The following ZNF675 variants were observed in gnomAD, a reference collection of about 807,000 sequenced individuals.
ZNF675 encodes zinc finger protein 675.
A neutral mutation model predicts 56.1 loss-of-function variants in ZNF675; 36 were observed. The observed-to-expected ratio is 0.64, with a 90% confidence interval of 0.49 to 0.85. The LOEUF (loss-of-function observed/expected upper bound fraction) is 0.85. Among genes scored for constraint, ZNF675 ranks in the 40% least tolerant of loss-of-function variants. The pLI is 0.00. For synonymous variants in ZNF675, 200 were observed against 218.9 expected, an observed-to-expected ratio of 0.91 and a Z score of 0.76; for missense variants, 663 against 654.2, an observed-to-expected ratio of 1.01 and a Z score of -0.15.
At chr19:23,671,387 TG>T (rs1968224783) in intron 1 of ZNF675, among the ~76,000 whole-genome samples, 1 of 152,174 alleles carries the variant, frequency 6.6e-6, no homozygotes, top group Non-Finnish European at 1.5e-5. Flanking sequence ...GGTGATGTCC[TG>T]AATGCCCGAA....
intron 1 of ZNF675, among the ~76,000 whole-genome samples, chr19:23,677,835 G>C (rs1968319291): frequency 1.3e-5 from 2 of 150,096 alleles, no homozygotes; most frequent in South Asian, 4.2e-4. Context: ...AGAAGTCAGA[G>C]ATGGCCGGCT....
chr19:23,653,415 T>C lies in ZNF675; in HGVS notation c.1518A>G (p.Lys506=). 2 of 1,613,084 alleles carry C rather than the reference T, an allele frequency of 1.2e-6. No individual in the cohort carries two copies. The highest frequency in any genetic ancestry group is 1.7e-6 in the Non-Finnish European group (2 of 1,179,722). The change falls in exon 4 of 4, where the codon AAA becomes AAG. Residue 506 remains lysine, a synonymous_variant. Coordinates refer to ENST00000359788, the MANE Select transcript of ZNF675 (RefSeq NM_138330.3). ...TTHKRIHTGE[K]PYKCEECGKA... is the part of the protein sequence containing the mutation. Reference sequence around the variant, plus strand: ...TGCCACATTCTTCACATTTGTAGGGTTTCTCCCCAGTATGAATTCTTTTAT... The same window carrying C: ...TGCCACATTCTTCACATTTGTAGGGCTTCTCCCCAGTATGAATTCTTTTAT...
Position 23,653,799 on chromosome 19 carries a change from G to C in ZNF675, c.1134C>G (p.Asn378Lys). The change falls in exon 4 of 4, where the codon AAC becomes AAG. Residue 378 changes from asparagine to lysine, a missense_variant. Physicochemically the swap from Asn to Lys is moderately conservative, Grantham distance 94. Coordinates refer to ENST00000359788, the MANE Select transcript of ZNF675 (RefSeq NM_138330.3). ...TATGTTCCGTAAGATTTGAGGATCG[G>C]TTAAAAGCTTTGCCGCATTCCTCAC... is the stretch of plus-strand genomic sequence containing the variant. ...YKCEECGKAF[N>K]RSSNLTEHRK... 6.2e-7 allele frequency: 1 copy of C among 1,613,704 alleles called. No homozygotes were observed. Among genetic ancestry groups the C allele is most frequent in the Non-Finnish European group, 8.5e-7 (1 of 1,179,880 alleles).
chr19:23,672,524 G>A (rs1374764933), intron 1 of ZNF675, among the ~76,000 whole-genome samples: 1 of 152,136 alleles, frequency 6.6e-6, no homozygotes, highest in Non-Finnish European at 1.5e-5. Flanking sequence ...TCCCCCGTAT[G>A]TTTTCTGTAC....
At position 23,663,050 on chromosome 19, in the gene ZNF675, T is replaced by C. The variant is rs768258228; in HGVS notation, c.112A>G (p.Arg38Gly). ...LYKNVILENY[R>G]NLVFLGIAVS... ...TCCTTACCCAGGAAGACCAGGTTTCTGTAGTTCTCTAAAATCACATTTTTA... is the reference window on the plus strand; with the variant it reads ...TCCTTACCCAGGAAGACCAGGTTTCCGTAGTTCTCTAAAATCACATTTTTA... Residue 38 changes from arginine to glycine, a missense_variant, in exon 2 of 4, where the codon AGA becomes GGA. Transcript: ENST00000359788. 1.1e-5 allele frequency: 17 copies of C among 1,601,924 alleles called. No individual in the cohort carries two copies. The South Asian group carries it at 1.8e-4, about 17-fold the overall frequency.
chr19:23,679,161 C>T (rs1427607710), intron 1 of ZNF675, among the ~76,000 whole-genome samples: 2 of 64,960 alleles, frequency 3.1e-5, no homozygotes, highest in Admixed American at 2.2e-4. Flanking sequence ...AGCGAGACTC[C>T]GTCTCAAAAA....
chr19:23,664,077 T>C (rs1438371381), intron 1 of ZNF675, among the ~76,000 whole-genome samples: 1 of 152,148 alleles, frequency 6.6e-6, no homozygotes, highest in Non-Finnish European at 1.5e-5. Flanking sequence ...TTTTTATAAG[T>C]AGTTAAAACA....
intron 1 of ZNF675, among the ~76,000 whole-genome samples, chr19:23,680,889 T>C (rs1452558183): frequency 6.6e-6 from 1 of 151,898 alleles, no homozygotes; most frequent in East Asian, 1.9e-4. Context: ...AAAAAATACT[T>C]GTTTGGTGCC....
chr19:23,678,943 G>A (rs1481488188), intron 1 of ZNF675, among the ~76,000 whole-genome samples: 1 of 151,396 alleles, frequency 6.6e-6, no homozygotes, highest in East Asian at 1.9e-4. Flanking sequence ...GAGGCGGGTG[G>A]ATCACGAAGT....
Position 23,654,695 on chromosome 19 carries a change from G to A in ZNF675, c.238C>T (p.His80Tyr). ...TCTGGCCAAAACTCTTGGGCAAAAT[G>A]AGAACACATTACTGAAAGAAATAAA... ...MVNEPPVMCS[H>Y]FAQEFWPEQN... Residue 80 changes from histidine (H) to tyrosine (Y), a missense_variant, in exon 4 of 4, where the codon CAT (histidine) becomes TAT (tyrosine). By Grantham distance (83) the His-to-Tyr change is moderately conservative (BLOSUM62 2). Transcript: ENST00000359788. 1 of 1,532,500 alleles carries A rather than the reference G, an allele frequency of 6.5e-7. No homozygotes were observed. The highest frequency in any genetic ancestry group is 8.8e-7 in the Non-Finnish European group (1 of 1,141,636). 94.9% of individuals were successfully genotyped at this position (1,532,500 alleles called of 1,614,324 possible).
chr19:23,661,032 C>T (rs1040058599), intron 3 of ZNF675, among the ~76,000 whole-genome samples: 2 of 151,494 alleles, frequency 1.3e-5, no homozygotes, highest in Non-Finnish European at 2.9e-5. Context: ...CGGGTTCAAG[C>T]GATTCTCCTG....
Position 23,663,659 on chromosome 19 carries a change from G to A in ZNF675, c.4-501C>T, listed in dbSNP as rs548961987. On this transcript the variant is annotated intron_variant, in intron 1 of 3. Transcript: ENST00000359788. ...GAGGCTGTGGTGAGTGGAGATTGCA[G>A]TGAGCTGAGATCGTACCATTGCACT... Among the ~76,000 whole-genome samples, 8 of 152,328 alleles carry A rather than the reference G, an allele frequency of 5.3e-5. No homozygotes were observed. The East Asian group carries it at 1.5e-3, about 29-fold the overall frequency.
At chr19:23,655,224 A>C (rs1394773799) in intron 3 of ZNF675, 1 of 151,124 alleles carries the variant, frequency 6.6e-6, no homozygotes, top group Non-Finnish European at 1.5e-5. Context: ...GTGACAAAGC[A>C]AGACTCTGTC....
rs1162167643 is a variant in ZNF675, at chr19:23,654,261, A to T, written c.672T>A (p.Cys224Ter). Residue 224 changes from cysteine to a stop codon, truncating the protein, a stop_gained, in exon 4 of 4, where the codon TGT becomes TGA. Transcript: ENST00000359788. LOFTEE classifies it high-confidence loss of function. ...KLTKHKRIYT[C>*]EKLYKCQECD... The stretch of plus-strand genomic sequence containing the variant: ...ATTCTTGACATTTGTAGAGTTTCTC[A>T]CAAGTATAAATTCTTTTATGTTTAG... 2 of 1,613,258 alleles carry T rather than the reference A, an allele frequency of 1.2e-6. No individual in the cohort carries two copies. Among genetic ancestry groups the T allele is most frequent in the African/African-American group, 2.7e-5 (2 of 74,940 alleles).
At chr19:23,678,751 A>G (rs574804055) in intron 1 of ZNF675, among the ~76,000 whole-genome samples, 11 of 148,882 alleles carry the variant, frequency 7.4e-5, no homozygotes, top group Admixed American at 2.6e-4. Flanking sequence ...GCAACAGAAT[A>G]GAGAGCCAAA....
intron 3 of ZNF675, among the ~76,000 whole-genome samples, chr19:23,659,017 AT>A (rs1330429005): frequency 4.0e-5 from 6 of 149,078 alleles, no homozygotes; most frequent in African/African-American, 1.5e-4. Flanking sequence ...AAAATGTTAA[AT>A]ATATAAAAAT....
At chr19:23,677,293 A>G (rs760613733) in intron 1 of ZNF675, among the ~76,000 whole-genome samples, 2 of 151,640 alleles carry the variant, frequency 1.3e-5, no homozygotes, top group Non-Finnish European at 2.9e-5. Flanking sequence ...CTATAGTCTC[A>G]GCAGAAAAGT....
At chr19:23,685,332 T>C (rs995692844) in intron 1 of ZNF675, among the ~76,000 whole-genome samples, 22 of 152,216 alleles carry the variant, frequency 1.4e-4, no homozygotes, top group African/African-American at 5.1e-4. Context: ...TCTGTTTCCA[T>C]TGAGAGGCTA....
At chr19:23,658,519 A>T (rs1051634440) in intron 3 of ZNF675, 5 of 151,988 alleles carry the variant, frequency 3.3e-5, no homozygotes, top group African/African-American at 9.7e-5. Flanking sequence ...ATCTCTACTA[A>T]AAGTACAAAA....
Sources: gnomAD v4.1 joint callset for allele counts (sites outside exome capture counted in the v4.1 genomes callset) on GRCh38, gnomAD v4.1.1 for gene constraint, MANE v1.5 for transcripts, NCBI Gene and HGNC (gene_info 2026-07-23, HGNC 2026-07-21) for gene names.